The following PSG6 variants were observed in gnomAD, a reference collection of about 807,000 sequenced individuals.
PSG6 encodes pregnancy-specific beta-1-glycoprotein 6.
Under a neutral mutation model 43.3 loss-of-function variants are expected in PSG6, and 51 were observed. The observed-to-expected ratio is 1.18, with a 90% CI of 0.94 to 1.49. The LOEUF (loss-of-function observed/expected upper bound fraction) is 1.49. PSG6 is among the 40% of genes most tolerant of loss of function. PSG6 has a pLI of 0.00. For synonymous variants in PSG6, 292 were observed against 197.6 expected (o/e 1.48, Z -4.01); for missense variants, 770 against 522.2 (o/e 1.47, Z -4.62).
At chr19:42,915,707 G>T in intron 2 of PSG6, 1 of 254,398 alleles carries the variant, frequency 3.9e-6, no homozygotes. Flanking sequence ...GCTTTACCTG[G>T]AGCAAGGATT....
chr19:42,906,055 T>C (rs984837492), intron 5 of PSG6, among the ~76,000 whole-genome samples: 26 of 151,728 alleles, frequency 1.7e-4, no homozygotes, highest in Non-Finnish European at 3.4e-4. Flanking sequence ...ATATTAGATA[T>C]ATATAAAGTG....
Position 42,908,767 on chromosome 19 carries a change from G to C in PSG6, c.707-913C>G, listed in dbSNP as rs554603844. Among the ~76,000 whole-genome samples the C allele has an allele frequency of 1.8e-4, 27 of 151,858 alleles. 2 individuals carry two copies. The East Asian group carries it at 3.3e-3, about 19-fold the overall frequency. On this transcript the variant is annotated intron_variant, in intron 3 of 5. Coordinates refer to ENST00000187910, the MANE Select transcript of PSG6 (RefSeq NM_001031850.4). Reference sequence around the variant, plus strand: ...GATGGATATGAGACAAATTTGGAGAGAAGTTTTGCAAATATTTTCTTTCAT... The same window carrying C: ...GATGGATATGAGACAAATTTGGAGACAAGTTTTGCAAATATTTTCTTTCAT...
At chr19:42,904,415 C>G (rs185089491) in intron 5 of PSG6, among the ~76,000 whole-genome samples, 2 of 151,506 alleles carry the variant, frequency 1.3e-5, no homozygotes, top group Admixed American at 1.3e-4. Context: ...TGGAACAAAC[C>G]TATTAGAATT....
chr19:42,912,067 T>G (rs540820511), intron 2 of PSG6, among the ~76,000 whole-genome samples: 7 of 151,644 alleles, frequency 4.6e-5, no homozygotes, highest in Admixed American at 1.3e-4. Context: ...TTTTTTTTAT[T>G]TTGGAATATT....
At chr19:42,912,568 T>A (rs1972247772) in intron 2 of PSG6, among the ~76,000 whole-genome samples, 1 of 151,772 alleles carries the variant, frequency 6.6e-6, no homozygotes, top group Non-Finnish European at 1.5e-5. Flanking sequence ...GGAGGAAGGA[T>A]GCCAAATTAA....
At chr19:42,907,437 G>A in intron 4 of PSG6, 139 bp downstream of exon 4, 1 of 1,514,064 alleles carries the variant, frequency 6.6e-7, no homozygotes, top group Non-Finnish European at 8.9e-7. Flanking sequence ...GATTTCCCAG[G>A]GCAGGGAGTC....
intron 4 of PSG6, 40 bp from the exon 5 acceptor site, chr19:42,907,216 A>G: frequency 6.3e-7 from 1 of 1,596,488 alleles, no homozygotes; most frequent in Non-Finnish European, 8.5e-7. Flanking sequence ...ATGTCATCCA[A>G]GGGAAGGGGA....
chr19:42,917,053 C>G (rs975938886), intron 1 of PSG6, among the ~76,000 whole-genome samples: 2 of 148,214 alleles, frequency 1.3e-5, no homozygotes, highest in African/African-American at 5.0e-5. Context: ...TGAGAGTTCT[C>G]AGGGCCCTCC....
chr19:42,916,671 T>C (rs1972342299), intron 1 of PSG6, among the ~76,000 whole-genome samples, 184 bp from the exon 2 acceptor site: 1 of 148,868 alleles, frequency 6.7e-6, no homozygotes, highest in South Asian at 2.3e-4. Flanking sequence ...TGTGTCCTAC[T>C]GTCCTACTAG....
chr19:42,909,073 T>C (rs1412202909), intron 3 of PSG6, among the ~76,000 whole-genome samples: 1 of 151,762 alleles, frequency 6.6e-6, no homozygotes, highest in African/African-American at 2.4e-5. Context: ...TTCTCAAATA[T>C]TTGTCATATA....
At chr19:42,908,391 G>A (rs930718162) in intron 3 of PSG6, among the ~76,000 whole-genome samples, 2 of 151,752 alleles carry the variant, frequency 1.3e-5, no homozygotes, top group Admixed American at 1.3e-4. Flanking sequence ...GAAGACCAGA[G>A]TCAAGCCTGT....
Position 42,914,306 on chromosome 19 carries a change from G to A in PSG6, c.427+1819C>T, listed in dbSNP as rs113486266. 7.9e-5 allele frequency among the ~76,000 whole-genome samples: 12 copies of A among 151,456 alleles called. 1 individual carries two copies. The highest frequency in any genetic ancestry group is 4.0e-4 in the Admixed American group (6 of 15,152). ...AGGTGGGCCAGGCCACAGTGTTAGC[G>A]GGAAGGGAACAGAACAGCCAGCCTA... On this transcript the variant is annotated intron_variant, in intron 2 of 5. Transcript: ENST00000187910.
At position 42,902,439 on chromosome 19, in the gene PSG6, G is replaced by A. The variant is rs556027877; in HGVS notation, c.1248C>T (p.Cys416=). 607 of 1,610,916 alleles carry A rather than the reference G, an allele frequency of 3.8e-4. 35 individuals carry two copies. In the South Asian group the frequency reaches 6.5e-3, roughly 17 times the overall value. The change falls in exon 6 of 6, where the codon TGC becomes TGT. Residue 416 remains cysteine, a synonymous_variant. Coordinates refer to ENST00000187910, the MANE Select transcript of PSG6 (RefSeq NM_001031850.4). ...AATGAGACTCTGTCTGGTTTCCATGGCAGGGACCTGATTGACAGAAGGCCC... is the reference window on the plus strand; with the variant it reads ...AATGAGACTCTGTCTGGTTTCCATGACAGGGACCTGATTGACAGAAGGCCC... The part of the protein sequence containing the change: ...KSMIVKVSGP[C]HGNQTESH
chr19:42,904,381 C>T (rs376679583), intron 5 of PSG6, among the ~76,000 whole-genome samples: 18 of 151,720 alleles, frequency 1.2e-4, no homozygotes, highest in African/African-American at 3.4e-4. Context: ...ATAACTTGAA[C>T]TTATTTGTAG....
At chr19:42,904,971 G>T (rs970738424) in intron 5 of PSG6, among the ~76,000 whole-genome samples, 25 of 151,570 alleles carry the variant, frequency 1.6e-4, no homozygotes, top group African/African-American at 6.1e-4. Context: ...AGCCCAGAAA[G>T]AAATGCTTGC....
chr19:42,917,372 T>A (rs959947176), intron 1 of PSG6, among the ~76,000 whole-genome samples: 1 of 146,900 alleles, frequency 6.8e-6, no homozygotes, highest in African/African-American at 2.5e-5. Context: ...TCTTTTTTTT[T>A]TTTTTTTTTG....
At chr19:42,914,796 C>G (rs948364793) in intron 2 of PSG6, among the ~76,000 whole-genome samples, 9 of 151,566 alleles carry the variant, frequency 5.9e-5, no homozygotes, top group Middle Eastern at 3.2e-3. Context: ...TGGGCCTGTG[C>G]TGAGGCAGGG....
rs766199236 is a variant in PSG6 at position 42,906,796 on chromosome 19, G to T, written c.1240+126C>A. On this transcript the variant is annotated intron_variant, in intron 5 of 5. Transcript: ENST00000187910. ...GATAAGTTGGGAGGGTTCAGGAGGA[G>T]AATTTGGGATTTGCTTGTGCCCATG... 28 of 1,600,004 alleles carry T rather than the reference G, an allele frequency of 1.7e-5. No individual in the cohort carries two copies. The Admixed American group carries it at 1.8e-4, about 11-fold the overall frequency.
chr19:42,912,405 A>T (rs1972244364), intron 2 of PSG6, among the ~76,000 whole-genome samples: 1 of 151,732 alleles, frequency 6.6e-6, no homozygotes, highest in South Asian at 2.1e-4. Flanking sequence ...ATTTCTCTTG[A>T]GACCAAAATA....
Sources: allele counts gnomAD v4.1 joint callset (sites outside exome capture counted in the v4.1 genomes callset), GRCh38; gene constraint gnomAD v4.1.1; transcripts MANE v1.5; gene names NCBI Gene and HGNC (gene_info 2026-07-23, HGNC 2026-07-21).